The following HLCS variants were observed in gnomAD, a reference collection of about 807,000 sequenced individuals.
HLCS encodes biotin--protein ligase.
In HLCS, 53 loss-of-function variants were observed where a neutral mutation model predicts 75.0. That is an observed-to-expected ratio of 0.71 (90% CI 0.57 to 0.89). The LOEUF is 0.89. HLCS is among the 40% of genes least tolerant of loss of function. HLCS has a pLI of 0.00. For synonymous variants in HLCS, 431 were observed against 428.6 expected, an observed-to-expected ratio of 1.01 and a Z score of -0.07; for missense variants, 966 against 1,074.0, an observed-to-expected ratio of 0.90 and a Z score of 1.41.
intron 6 of HLCS, among the ~76,000 whole-genome samples, chr21:36,894,206 A>C (rs2064915251): frequency 6.6e-6 from 1 of 152,110 alleles, no homozygotes; most frequent in Non-Finnish European, 1.5e-5. Context: ...AACGATTGTA[A>C]GTTTCCTGCG....
At position 36,937,346 on chromosome 21, in the gene HLCS, G is replaced by A. The variant is rs574644351; in HGVS notation, c.540C>T (p.Val180=). The part of the protein sequence containing the change: ...DSTLKEVKDQ[V]SNKQAQILEP... ...CTAGGATCTGGGCTTGCTTGTTTGAGACCTGATCCTTAACTTCCTTCAGAG... is the reference window on the plus strand; with the variant it reads ...CTAGGATCTGGGCTTGCTTGTTTGAAACCTGATCCTTAACTTCCTTCAGAG... Residue 180 remains valine (V), a synonymous_variant, in exon 4 of 11, where the codon GTC becomes GTT. Transcript: ENST00000674895. 3.7e-6 allele frequency: 6 copies of A among 1,614,034 alleles called. No individual in the cohort carries two copies. In the Admixed American group the frequency reaches 5.0e-5, roughly 13 times the overall value.
intron 2 of HLCS, among the ~76,000 whole-genome samples, chr21:36,956,495 G>A (rs1486189656): frequency 2.0e-5 from 3 of 152,170 alleles, no homozygotes; most frequent in East Asian, 3.8e-4. Context: ...TTGGGAGGCC[G>A]AGGTGGGCAA....
At chr21:36,860,848 C>G (rs988561900) in intron 6 of HLCS, among the ~76,000 whole-genome samples, 1 of 152,320 alleles carries the variant, frequency 6.6e-6, no homozygotes, top group Non-Finnish European at 1.5e-5. Context: ...GCAGTTTCTC[C>G]ACAGTAGGAG....
rs757936455 is a variant in HLCS, at chr21:36,767,236, G to A, written c.1942C>T (p.Arg648Trp). ...QEMGLIVIAARQTEGKGRGGN... is the reference protein window; with the variant it reads ...QEMGLIVIAAWQTEGKGRGGN... ...GACTGACCTTTGCCCTCGGTCTGCCGGGCCGCGATCACTATTAAGCCCATT... is the reference window on the plus strand; with the variant it reads ...GACTGACCTTTGCCCTCGGTCTGCCAGGCCGCGATCACTATTAAGCCCATT... The change falls in exon 7 of 11, where the codon CGG (arginine) becomes TGG (tryptophan). Residue 648 changes from arginine (R) to tryptophan (W), a missense_variant. Transcript: ENST00000674895. 18 of 1,614,130 alleles carry A rather than the reference G, an allele frequency of 1.1e-5. No individual in the cohort carries two copies. Among genetic ancestry groups the A allele is most frequent in the Admixed American group, 3.3e-5 (2 of 60,022 alleles).
chr21:36,981,271 G>T lies in HLCS; in HGVS notation c.-393+8887C>A, dbSNP rs552134020. 2.6e-5 allele frequency among the ~76,000 whole-genome samples: 4 copies of T among 152,252 alleles called. No homozygotes were observed. The South Asian group carries it at 8.3e-4, about 32-fold the overall frequency. ...ATTTGGCACTCCTGATGGGTTATTT[G>T]ATGAAGGAGGTGCAATGTATGGGCT... On this transcript the variant is annotated intron_variant, in intron 1 of 11. Coordinates refer to the HLCS transcript ENST00000336648.
intron 6 of HLCS, among the ~76,000 whole-genome samples, chr21:36,856,288 C>T (rs1260561915): frequency 6.6e-6 from 1 of 152,184 alleles, no homozygotes; most frequent in Non-Finnish European, 1.5e-5. Flanking sequence ...TTGAAAAGCG[C>T]TACTCCAGAC....
intron 6 of HLCS, among the ~76,000 whole-genome samples, chr21:36,822,950 T>A (rs1036548264): frequency 7.9e-5 from 12 of 152,226 alleles, no homozygotes; most frequent in Non-Finnish European, 1.6e-4. Context: ...CTTAAATGTA[T>A]CACTCACTAA....
At chr21:36,805,137 C>T (rs574194527) in intron 6 of HLCS, among the ~76,000 whole-genome samples, 3 of 152,114 alleles carry the variant, frequency 2.0e-5, no homozygotes, top group South Asian at 4.1e-4. Context: ...AGAAACATGA[C>T]GACATAAGTA....
At chr21:36,904,932 A>T (rs948957624) in intron 5 of HLCS, among the ~76,000 whole-genome samples, 1 of 152,234 alleles carries the variant, frequency 6.6e-6, no homozygotes, top group Non-Finnish European at 1.5e-5. Context: ...GGGCTGACAT[A>T]TAAGTAGCAC....
chr21:36,908,856 TCTC>T (rs1052137429), intron 5 of HLCS, among the ~76,000 whole-genome samples: 36 of 152,226 alleles, frequency 2.4e-4, no homozygotes, highest in African/African-American at 8.4e-4. Flanking sequence ...ATATCAGTGA[TCTC>T]CTGAGGCTCC....
intron 6 of HLCS, among the ~76,000 whole-genome samples, chr21:36,833,188 A>ATT (rs11445706): frequency 1.7e-3 from 253 of 146,718 alleles, no homozygotes; most frequent in Admixed American, 2.5e-3. Flanking sequence ...GCCTAGCTAA[A>ATT]TTTTTTTTTT....
chr21:36,962,291 C>T (rs2068339609), intron 1 of HLCS, 121 bp from the exon 2 acceptor site: 2 of 602,164 alleles, frequency 3.3e-6, no homozygotes, highest in Non-Finnish European at 5.0e-6. Flanking sequence ...ATAAGCTTAT[C>T]TGATGCTCCT....
intron 6 of HLCS, among the ~76,000 whole-genome samples, chr21:36,777,386 T>G (rs1426985482): frequency 6.6e-6 from 1 of 152,260 alleles, no homozygotes. Flanking sequence ...AAAACATGCT[T>G]AGCTCTCATG....
At chr21:36,916,517 A>ATTTTTTTTTT (rs1569188583) in intron 5 of HLCS, among the ~76,000 whole-genome samples, 1 of 136,540 alleles carries the variant, frequency 7.3e-6, no homozygotes, top group African/African-American at 2.8e-5. Flanking sequence ...ATGCCTAGCT[A>ATTTTTTTTTT]ATTTTTTTTT....
chr21:36,937,055 G>A lies in HLCS; in HGVS notation c.831C>T (p.Asp277=). ...VKFASAENIP[D]LPYDYSSSLE... is the part of the protein sequence containing the mutation. Reference sequence around the variant, plus strand: ...AACTGCTGCTATAATCGTAGGGAAGGTCTGGAATGTTCTCGGCAGACGCAA... The same window carrying A: ...AACTGCTGCTATAATCGTAGGGAAGATCTGGAATGTTCTCGGCAGACGCAA... The change falls in exon 4 of 11, where the codon GAC becomes GAT. Residue 277 remains aspartate (D), a synonymous_variant. Coordinates refer to ENST00000674895, the MANE Select transcript of HLCS (RefSeq NM_001352514.2). 6.2e-7 allele frequency: 1 copy of A among 1,614,178 alleles called. No homozygotes were observed. Among genetic ancestry groups the A allele is most frequent in the Non-Finnish European group, 8.5e-7 (1 of 1,180,030 alleles).
Position 36,749,423 on chromosome 21 carries a change from C to G in HLCS, c.*4823G>C, listed in dbSNP as rs1396438359. ...GTTCTAAAATCAAGTGCACCTACAC[C>G]AACTGCTCTCAAAATGTGAACTGAC... is the stretch of plus-strand genomic sequence containing the variant. On this transcript the variant is annotated 3_prime_UTR_variant, in exon 11 of 11. Coordinates refer to ENST00000674895, the MANE Select transcript of HLCS (RefSeq NM_001352514.2). 2.0e-5 allele frequency: 3 copies of G among 150,920 alleles called. No individual in the cohort carries two copies. Among genetic ancestry groups the G allele is most frequent in the Non-Finnish European group, 2.9e-5 (2 of 67,918 alleles). The allele number at this position is 150,920 out of a possible 1,614,324, so 9.3% of individuals were successfully genotyped here. A position where few individuals can be genotyped will look rare whatever the true frequency, so the allele number is the denominator to read the frequency against.
intron 6 of HLCS, among the ~76,000 whole-genome samples, chr21:36,780,094 C>A (rs73902726): frequency 0.037 from 5,637 of 152,176 alleles, 352 homozygotes; most frequent in African/African-American, 0.13. Context: ...TTTGTCTCCC[C>A]CATCCACCTA....
chr21:36,902,210 T>C (rs2065263847), intron 5 of HLCS, among the ~76,000 whole-genome samples: 1 of 151,318 alleles, frequency 6.6e-6, no homozygotes, highest in African/African-American at 2.4e-5. Context: ...CTTTAAAGGG[T>C]AGAGAGGAAT....
rs1223083933 is a variant in HLCS at position 36,827,814 on chromosome 21, TTTC to T, written c.1893-60532_1893-60530del. 9.2e-5 allele frequency among the ~76,000 whole-genome samples: 12 copies of T among 130,030 alleles called. No homozygotes were observed. The South Asian group carries it at 1.4e-3, about 15-fold the overall frequency. The allele number at this position is 130,030 out of a possible 152,430, so 85.3% of individuals were successfully genotyped here. On this transcript the variant is annotated intron_variant, in intron 6 of 10. Transcript: ENST00000674895. ...TGGTAAGTATTTTTCTTTTTCTTTC[TTTC>T]TTTTTTTTTTTTTTGAGACAGAGTC...
Sources: gnomAD v4.1 joint callset for allele counts (sites outside exome capture counted in the v4.1 genomes callset) on GRCh38, gnomAD v4.1.1 for gene constraint, MANE v1.5 for transcripts, NCBI Gene and HGNC (gene_info 2026-07-23, HGNC 2026-07-21) for gene names.